The following AFF1 variants were observed in gnomAD, a reference collection of about 807,000 sequenced individuals.
AFF1 encodes the protein ALF transcription elongation factor 1, also known as AF4/FMR2 family member 1.
Under a neutral mutation model 121.7 loss-of-function variants are expected in AFF1, and 48 were observed. That is an observed-to-expected ratio of 0.39 (90% CI 0.31 to 0.50). AFF1 has a LOEUF of 0.50. Ranked by LOEUF, AFF1 falls within the 20% of genes least tolerant of loss-of-function variation. The pLI is 0.76. For synonymous variants in AFF1, 613 were observed against 563.0 expected (o/e 1.09, Z -1.26); for missense variants, 1,523 against 1,511.7 (o/e 1.01, Z -0.12).
intron 2 of AFF1, among the ~76,000 whole-genome samples, chr4:87,006,560 A>T (rs1168135993): frequency 6.6e-6 from 1 of 152,238 alleles, no homozygotes; most frequent in East Asian, 1.9e-4. Flanking sequence ...AAAGCGGAGT[A>T]ACACCAAGTA....
chr4:87,035,517 C>T (rs538481966), intron 2 of AFF1, among the ~76,000 whole-genome samples: 5 of 151,596 alleles, frequency 3.3e-5, no homozygotes, highest in East Asian at 1.9e-4. Flanking sequence ...GCGGAGATCG[C>T]GCCACTGCAC....
chr4:87,046,288 T>A lies in AFF1; in HGVS notation c.159+2T>A. On this transcript the variant is annotated splice_donor_variant, in intron 3 of 20. Coordinates refer to ENST00000395146, the MANE Select transcript of AFF1 (RefSeq NM_001166693.3). LOFTEE classifies it high-confidence loss of function. ...CCCCTTTTTGGAGAGCCCTACAAGGTATTTACTGAACACTAGACATTGAAG... is the reference window on the plus strand; with the variant it reads ...CCCCTTTTTGGAGAGCCCTACAAGGAATTTACTGAACACTAGACATTGAAG... 1 of 1,610,406 alleles carries A rather than the reference T, an allele frequency of 6.2e-7. No homozygotes were observed. The highest frequency in any genetic ancestry group is 8.5e-7 in the Non-Finnish European group (1 of 1,179,114).
chr4:87,098,292 C>A (rs953002402), intron 8 of AFF1, among the ~76,000 whole-genome samples: 2 of 152,098 alleles, frequency 1.3e-5, no homozygotes, highest in African/African-American at 4.8e-5. Context: ...TCAAATAATT[C>A]CTTCTGTAAA....
At position 87,138,490 on chromosome 4, in the gene AFF1, G is replaced by GGGGT. The variant is rs1729470624; in HGVS notation, c.*2790_*2791insGGTG. 4.8e-6 allele frequency: 1 copy of GGGGT among 208,330 alleles called. No individual in the cohort carries two copies. Among genetic ancestry groups the GGGGT allele is most frequent in the African/African-American group, 2.4e-5 (1 of 41,546 alleles). 12.9% of individuals were successfully genotyped at this position (208,330 alleles called of 1,614,324 possible). A position where few individuals can be genotyped will look rare whatever the true frequency, so the allele number is the denominator to read the frequency against. ...GTAAATCTTGCCTTTGGCACTACAA[G>GGGGT]GTGTGTGTGTGTGTGTGTGTGTGTG... On this transcript the variant is annotated 3_prime_UTR_variant, in exon 21 of 21. Coordinates refer to ENST00000395146, the MANE Select transcript of AFF1 (RefSeq NM_001166693.3).
chr4:87,118,397 C>T lies in AFF1; in HGVS notation c.2466+3098C>T, dbSNP rs116853557. ...GTGAGGGTAAATACGCATGACCTCA[C>T]GTCGTGTTCTTTACATAAACTACTG... On this transcript the variant is annotated intron_variant, in intron 12 of 20. Coordinates refer to ENST00000395146, the MANE Select transcript of AFF1 (RefSeq NM_001166693.3). 1.1e-3 allele frequency among the ~76,000 whole-genome samples: 171 copies of T among 152,336 alleles called. 1 individual carries two copies. The East Asian group carries it at 0.025, about 23-fold the overall frequency.
intron 2 of AFF1, chr4:87,007,399 A>T (rs1368359650): frequency 6.2e-7 from 1 of 1,613,984 alleles, no homozygotes; most frequent in Non-Finnish European, 8.5e-7. Flanking sequence ...TGGCTCTATA[A>T]GCTGAATTAT....
intron 2 of AFF1, among the ~76,000 whole-genome samples, chr4:87,038,634 C>T (rs1729797650): frequency 6.6e-6 from 1 of 152,160 alleles, no homozygotes; most frequent in Non-Finnish European, 1.5e-5. Context: ...AGATCTCTAT[C>T]TCACCATCCT....
rs1300205226 is a variant in AFF1 at position 87,108,259 on chromosome 4, G to A, written c.1477G>A (p.Glu493Lys). Reference sequence around the variant, plus strand: ...AGACAGTTCCTCAGACTCAGAGAGCGAGAGCAGTTCAAGTGACAGCGAAGA... The same window carrying A: ...AGACAGTTCCTCAGACTCAGAGAGCAAGAGCAGTTCAAGTGACAGCGAAGA... ...DSDSSSDSES[E>K]SSSSDSEENE... is the part of the protein sequence containing the mutation. The change falls in exon 11 of 21, where the codon GAG becomes AAG. Residue 493 changes from glutamate to lysine, a missense_variant. Glu to Lys is a moderately conservative substitution (Grantham distance 56). This residue lies in a region of AFF1 where 905 missense variants were observed against 842.5 expected (regional missense o/e 1.07). Transcript: ENST00000395146. The A allele has an allele frequency of 4.3e-6, 7 of 1,613,984 alleles. No individual in the cohort carries two copies. Among genetic ancestry groups the A allele is most frequent in the Admixed American group, 1.7e-5 (1 of 59,998 alleles).
At chr4:87,113,735 A>G (rs772719847) in intron 11 of AFF1, among the ~76,000 whole-genome samples, 23 of 152,286 alleles carry the variant, frequency 1.5e-4, no homozygotes, top group Non-Finnish European at 3.1e-4. Context: ...AATGAGAGAA[A>G]TGGGCCTGTT....
intron 2 of AFF1, among the ~76,000 whole-genome samples, chr4:86,992,854 A>AT (rs1309644373): frequency 1.8e-4 from 28 of 152,224 alleles, no homozygotes; most frequent in African/African-American, 6.5e-4. Context: ...ATAATTGGTT[A>AT]TTAATCAGCT....
rs149703447 is a variant in AFF1 at position 86,953,443 on chromosome 4, G to A, written c.38+4872G>A. Among the ~76,000 whole-genome samples, 40 of 152,340 alleles carry A rather than the reference G, an allele frequency of 2.6e-4. No homozygotes were observed. In the East Asian group the frequency reaches 6.9e-3, roughly 26 times the overall value. ...ATTCAAACTAAATTGAAGTCTGAACGTGAACCCTTACTTTGCTCAGGGCTA... is the reference window on the plus strand; with the variant it reads ...ATTCAAACTAAATTGAAGTCTGAACATGAACCCTTACTTTGCTCAGGGCTA... On this transcript the variant is annotated intron_variant, in intron 2 of 20. Coordinates refer to ENST00000395146, the MANE Select transcript of AFF1 (RefSeq NM_001166693.3).
At chr4:87,070,262 G>A (rs1423205917) in intron 4 of AFF1, among the ~76,000 whole-genome samples, 4 of 151,902 alleles carry the variant, frequency 2.6e-5, no homozygotes, top group Admixed American at 2.6e-4. Context: ...TCGGCCTCCC[G>A]AAGTGCTGGG....
intron 2 of AFF1, among the ~76,000 whole-genome samples, chr4:86,978,555 C>T (rs1332211828): frequency 6.6e-6 from 1 of 151,568 alleles, no homozygotes; most frequent in Non-Finnish European, 1.5e-5. Context: ...AATTTTTATT[C>T]TTTTGGAGAC....
intron 4 of AFF1, among the ~76,000 whole-genome samples, chr4:87,080,584 G>C (rs1723066357): frequency 6.6e-6 from 1 of 152,204 alleles, no homozygotes; most frequent in African/African-American, 2.4e-5. Flanking sequence ...TGTAGTTCCA[G>C]CTACTCTCTG....
At chr4:87,072,949 G>A (rs549522850) in intron 4 of AFF1, among the ~76,000 whole-genome samples, 4 of 152,186 alleles carry the variant, frequency 2.6e-5, no homozygotes, top group African/African-American at 7.2e-5. Context: ...TGTATCAGAT[G>A]AGTCTTGCTG....
chr4:87,006,943 C>G, intron 2 of AFF1: 2 of 1,024,542 alleles, frequency 2.0e-6, no homozygotes, highest in Non-Finnish European at 2.3e-6. Context: ...ACTTTCTTGA[C>G]AGGGGGTATC....
At chr4:86,956,862 A>G (rs1316999597) in intron 2 of AFF1, among the ~76,000 whole-genome samples, 2 of 152,180 alleles carry the variant, frequency 1.3e-5, no homozygotes, top group African/African-American at 4.8e-5. Flanking sequence ...TTTATGAGCA[A>G]TGTTCCACAT....
intron 2 of AFF1, among the ~76,000 whole-genome samples, chr4:86,981,056 A>G (rs1723715242): frequency 6.6e-6 from 1 of 150,824 alleles, no homozygotes; most frequent in Admixed American, 6.6e-5. Context: ...TCTGTCGCCC[A>G]GGCTGGAGTG....
intron 5 of AFF1, among the ~76,000 whole-genome samples, chr4:87,086,909 T>A (rs1723797800): frequency 1.3e-5 from 2 of 152,122 alleles, no homozygotes; most frequent in Non-Finnish European, 1.5e-5. Flanking sequence ...GGGTCAGTAT[T>A]TAAGGGGGAA....
Sources: allele counts gnomAD v4.1 joint callset (sites outside exome capture counted in the v4.1 genomes callset), GRCh38; gene constraint gnomAD v4.1.1; regional missense constraint gnomAD v4.1.1; transcripts MANE v1.5; gene names NCBI Gene and HGNC (gene_info 2026-07-23, HGNC 2026-07-21).